Variants in TUSC3 observed in about 807,000 individuals in gnomAD.
TUSC3 encodes the protein dolichyl-diphosphooligosaccharide--protein glycosyltransferase subunit TUSC3.
A neutral mutation model predicts 44.8 loss-of-function variants in TUSC3; 45 were observed. That is an observed-to-expected ratio of 1.00 (90% CI 0.79 to 1.29). The LOEUF (loss-of-function observed/expected upper bound fraction) is 1.29. Ranked by LOEUF, TUSC3 falls within the 50% of genes most tolerant of loss-of-function variation. The pLI is 0.00. For missense variants in TUSC3, 519 were observed against 437.9 expected (o/e 1.19, Z -1.65); for synonymous variants, 212 against 152.9 (o/e 1.39, Z -2.85).
chr8:15,472,209 C>T (rs754915902), intron 1 of TUSC3, among the ~76,000 whole-genome samples: 1 of 152,082 alleles, frequency 6.6e-6, no homozygotes, highest in Non-Finnish European at 1.5e-5. Context: ...TAACTTAATG[C>T]CTAAAACTTA....
upstream of TUSC3, chr8:15,540,230 C>A (rs1250125224): frequency 6.8e-6 from 5 of 738,654 alleles, no homozygotes; most frequent in Non-Finnish European, 9.7e-6. Flanking sequence ...CGCGCCTTTC[C>A]AGGTCTTCTC....
intron 2 of TUSC3, among the ~76,000 whole-genome samples, chr8:15,512,237 A>T (rs1426320902): frequency 1.3e-5 from 2 of 152,210 alleles, no homozygotes; most frequent in Admixed American, 1.3e-4. Context: ...GAGATTAACA[A>T]TTAAATTGGT....
chr8:15,640,939 G>A (rs1806337364), intron 2 of TUSC3, among the ~76,000 whole-genome samples: 1 of 152,168 alleles, frequency 6.6e-6, no homozygotes, highest in Non-Finnish European at 1.5e-5. Flanking sequence ...GCAGTGTTAA[G>A]TTATACACGA....
chr8:15,832,831 G>C, the TUSC3 span, among the ~76,000 whole-genome samples: 1 of 152,054 alleles, frequency 6.6e-6, no homozygotes, highest in Non-Finnish European at 1.5e-5. Flanking sequence ...CACAATAATA[G>C]TGAGAGACTT....
intron 5 of TUSC3, among the ~76,000 whole-genome samples, chr8:15,669,331 T>G (rs1807833807): frequency 1.3e-5 from 2 of 151,778 alleles, no homozygotes; most frequent in South Asian, 4.1e-4. Flanking sequence ...TGAGACGGAA[T>G]AATACTCACC....
At chr8:15,598,074 A>C (rs2129153364) in intron 1 of TUSC3, among the ~76,000 whole-genome samples, 1 of 152,072 alleles carries the variant, frequency 6.6e-6, no homozygotes, top group East Asian at 1.9e-4. Context: ...GAATCAAGTT[A>C]TTTCTTTAAG....
chr8:15,807,206 T>A, the TUSC3 span: 1 of 718,560 alleles, frequency 1.4e-6, no homozygotes, highest in East Asian at 2.5e-5. Flanking sequence ...GCATGCTGCG[T>A]AGCTCGTATC....
At chr8:15,561,288 T>C (rs533220993) in intron 1 of TUSC3, among the ~76,000 whole-genome samples, 6 of 148,176 alleles carry the variant, frequency 4.0e-5, no homozygotes, top group African/African-American at 1.5e-4. Flanking sequence ...GTGCCCCTGC[T>C]GGGGGGTGCC....
intron 1 of TUSC3, among the ~76,000 whole-genome samples, chr8:15,613,437 G>C (rs984629792): frequency 3.3e-5 from 5 of 152,168 alleles, no homozygotes; most frequent in African/African-American, 1.2e-4. Context: ...GTAAGATGCA[G>C]TGCTAAGAGT....
chr8:15,655,274 C>T lies in TUSC3; in HGVS notation c.427-4233C>T, dbSNP rs117632389. Reference sequence around the variant, plus strand: ...ATCTTAGGACTTAAGTGAGTAGGCTCAAGCATGCGCACCAAGAGACAAAAT... The same window carrying T: ...ATCTTAGGACTTAAGTGAGTAGGCTTAAGCATGCGCACCAAGAGACAAAAT... On this transcript the variant is annotated intron_variant, in intron 3 of 10. Transcript: ENST00000503731. 9.3e-4 allele frequency among the ~76,000 whole-genome samples: 142 copies of T among 152,236 alleles called. 1 individual carries two copies. In the East Asian group the frequency reaches 0.026, roughly 27 times the overall value.
At chr8:15,709,107 C>G (rs1174131524) in intron 6 of TUSC3, among the ~76,000 whole-genome samples, 5 of 151,894 alleles carry the variant, frequency 3.3e-5, no homozygotes, top group Admixed American at 1.3e-4. Flanking sequence ...GATAGCCTGA[C>G]TAGAAGAGAG....
intron 1 of TUSC3, among the ~76,000 whole-genome samples, chr8:15,601,644 C>G (rs1290909161): frequency 1.3e-5 from 2 of 151,584 alleles, no homozygotes; most frequent in African/African-American, 4.8e-5. Flanking sequence ...TTTATAAAAT[C>G]TATTCTGTAG....
chr8:15,675,606 A>G (rs888594970), intron 6 of TUSC3, among the ~76,000 whole-genome samples: 5 of 151,780 alleles, frequency 3.3e-5, no homozygotes, highest in Non-Finnish European at 7.4e-5. Flanking sequence ...TTCCTCCTCT[A>G]CCCTCTAATA....
the TUSC3 span, among the ~76,000 whole-genome samples, chr8:15,808,325 T>A: frequency 1.3e-5 from 2 of 152,142 alleles, no homozygotes; most frequent in African/African-American, 4.8e-5. Context: ...ATAAAAAGAA[T>A]ATAATTGTTT....
At chr8:15,618,678 A>G (rs1805102304) in intron 1 of TUSC3, among the ~76,000 whole-genome samples, 1 of 152,212 alleles carries the variant, frequency 6.6e-6, no homozygotes. Context: ...CAGTCTAAAG[A>G]TAAAAAGTAT....
chr8:15,491,340 A>T (rs1378187994), intron 2 of TUSC3, among the ~76,000 whole-genome samples: 1 of 152,058 alleles, frequency 6.6e-6, no homozygotes, highest in African/African-American at 2.4e-5. Context: ...TACGTGAGGG[A>T]GGTATGTAGC....
At chr8:15,816,869 G>C in the TUSC3 span, among the ~76,000 whole-genome samples, 1 of 152,178 alleles carries the variant, frequency 6.6e-6, no homozygotes, top group Non-Finnish European at 1.5e-5. Context: ...GGAGTTCATA[G>C]CGCCTAGCAG....
intron 2 of TUSC3, among the ~76,000 whole-genome samples, chr8:15,532,641 G>C (rs1471792925): frequency 6.6e-6 from 1 of 152,162 alleles, no homozygotes; most frequent in Non-Finnish European, 1.5e-5. Context: ...TTACATGTGA[G>C]GGGGTGATAT....
In TUSC3 at chr8:15,452,150, T is replaced by G. The variant is rs138892799; in HGVS notation, n.92-31236T>G. On this transcript the variant is annotated intron_variant and non_coding_transcript_variant, in intron 1 of 5. Transcript: ENST00000503191. ...TGACGTTAACCGTGAAGTTATTGAG[T>G]GTTATGTGTGAGAAAAACATGTTAA... 2.2e-4 allele frequency among the ~76,000 whole-genome samples: 34 copies of G among 152,274 alleles called. No individual in the cohort carries two copies. The East Asian group carries it at 6.4e-3, about 29-fold the overall frequency.
Sources: allele counts gnomAD v4.1 joint callset (sites outside exome capture counted in the v4.1 genomes callset), GRCh38; gene constraint gnomAD v4.1.1; transcripts MANE v1.5; gene names NCBI Gene and HGNC (gene_info 2026-07-23, HGNC 2026-07-21).